The following AGO3 variants were observed in gnomAD, a reference collection of about 807,000 sequenced individuals.
The protein encoded by AGO3 is protein argonaute-3.
AGO3 carries 16 observed loss-of-function variants against 105.5 expected under a neutral mutation model. The observed-to-expected ratio is 0.15, with a 90% CI of 0.10 to 0.23. The LOEUF is 0.23. Among genes scored for constraint, AGO3 ranks in the 10% least tolerant of loss-of-function variants. The pLI is 1.00. For synonymous variants in AGO3, 340 were observed against 367.3 expected, an observed-to-expected ratio of 0.93 and a Z score of 0.85; for missense variants, 534 against 1,088.0, an observed-to-expected ratio of 0.49 and a Z score of 7.16.
intron 5 of AGO3, among the ~76,000 whole-genome samples, chr1:35,981,423 T>C (rs681300): frequency 2.0e-5 from 3 of 152,140 alleles, no homozygotes; most frequent in African/African-American, 7.2e-5. Flanking sequence ...TTCTTCAAAA[T>C]GCAGCCACAT....
chr1:36,027,342 TC>T lies in AGO3; in HGVS notation c.1591+46del, dbSNP rs757634154. 1 of 1,511,958 alleles carries T rather than the reference TC, an allele frequency of 6.6e-7. No individual in the cohort carries two copies. The highest frequency in any genetic ancestry group is 9.0e-7 in the Non-Finnish European group (1 of 1,116,918). The allele number at this position is 1,511,958 out of a possible 1,614,324, so 93.7% of individuals were successfully genotyped here. A position where few individuals can be genotyped will look rare whatever the true frequency, so the allele number is the denominator to read the frequency against. ...TGCATTTTTCCTCAAGTACTTGATG[TC>T]CTTTTAGGATTATACTGAAACATAT... On this transcript the variant is annotated intron_variant, in intron 12 of 18. Transcript: ENST00000373191. The surrounding 1 kb of genome is among the most constrained non-coding windows in gnomAD (Gnocchi z 4.0).
chr1:36,014,485 T>C (rs1640786124), intron 11 of AGO3, among the ~76,000 whole-genome samples: 3 of 151,416 alleles, frequency 2.0e-5, no homozygotes, highest in Admixed American at 2.0e-4. Flanking sequence ...AAAATGTTTC[T>C]TCTTGACCAG....
At chr1:35,998,922 GT>G (rs1294735841) in intron 5 of AGO3, among the ~76,000 whole-genome samples, 3 of 152,096 alleles carry the variant, frequency 2.0e-5, no homozygotes, top group Non-Finnish European at 4.4e-5. Flanking sequence ...TTCATATTTA[GT>G]TCTCTGAATA....
chr1:35,959,736 G>C (rs1646639887), intron 2 of AGO3, among the ~76,000 whole-genome samples: 2 of 151,956 alleles, frequency 1.3e-5, no homozygotes, highest in Non-Finnish European at 2.9e-5. Context: ...TCAGTTATCA[G>C]TTTATGTTAA....
At chr1:35,939,472 G>A (rs1238766432) in intron 1 of AGO3, among the ~76,000 whole-genome samples, 1 of 152,148 alleles carries the variant, frequency 6.6e-6, no homozygotes, top group African/African-American at 2.4e-5. Flanking sequence ...TGTCGGTATA[G>A]GTTTGAGTGC....
At chr1:36,029,519 T>C (rs1388071311) in intron 12 of AGO3, among the ~76,000 whole-genome samples, 1 of 148,106 alleles carries the variant, frequency 6.8e-6, no homozygotes, top group African/African-American at 2.5e-5. Flanking sequence ...CTCAGCCTCC[T>C]GAGTAGCTGG....
At chr1:36,043,951 G>T (rs1233290260) in intron 17 of AGO3, among the ~76,000 whole-genome samples, 2 of 152,066 alleles carry the variant, frequency 1.3e-5, no homozygotes, top group East Asian at 3.8e-4. Flanking sequence ...TCCCACCTCA[G>T]CCTCCCAAGT....
At chr1:36,018,015 T>C (rs566418556) in intron 11 of AGO3, among the ~76,000 whole-genome samples, 15 of 151,974 alleles carry the variant, frequency 9.9e-5, no homozygotes, top group African/African-American at 2.7e-4. Flanking sequence ...TGTTCTCTTT[T>C]TTTTTTTGAG....
At chr1:35,937,127 A>C (rs984393185) in intron 1 of AGO3, among the ~76,000 whole-genome samples, 1 of 152,148 alleles carries the variant, frequency 6.6e-6, no homozygotes, top group Non-Finnish European at 1.5e-5. Flanking sequence ...GCCTTTTAAA[A>C]ATTGTTTCTC....
At chr1:36,049,911 A>AAT (rs1302119942) in intron 17 of AGO3, among the ~76,000 whole-genome samples, 1 of 152,234 alleles carries the variant, frequency 6.6e-6, no homozygotes, top group African/African-American at 2.4e-5. Context: ...CCAGATATAT[A>AAT]ATATAAAGCA....
intron 17 of AGO3, among the ~76,000 whole-genome samples, chr1:36,052,214 A>G (rs143678299): frequency 0.015 from 2,332 of 152,328 alleles, 49 homozygotes; most frequent in African/African-American, 0.053. Context: ...ATACACAATG[A>G]AATACTATTT....
chr1:35,971,417 C>A (rs987603879), intron 3 of AGO3, among the ~76,000 whole-genome samples: 1 of 151,498 alleles, frequency 6.6e-6, no homozygotes, highest in Non-Finnish European at 1.5e-5. Flanking sequence ...CCTCAGCCCC[C>A]CAAAGTGCTG....
intron 2 of AGO3, among the ~76,000 whole-genome samples, chr1:35,964,316 C>T (rs995180397): frequency 1.3e-5 from 2 of 152,108 alleles, no homozygotes; most frequent in African/African-American, 4.8e-5. Flanking sequence ...CTATAGTTCT[C>T]CTCTATGGGT....
Position 36,027,146 on chromosome 1 carries a change from A to G in AGO3, c.1439A>G (p.Lys480Arg). ...ACAGACCAGCTGCGTAAGATTTCTAAGGATGCAGGGATGCCCATCCAGGGC... is the reference window on the plus strand; with the variant it reads ...ACAGACCAGCTGCGTAAGATTTCTAGGGATGCAGGGATGCCCATCCAGGGC... The part of the protein sequence containing the change: ...GFTDQLRKIS[K>R]DAGMPIQGQP... Residue 480 changes from lysine (K) to arginine (R), a missense_variant, in exon 12 of 19, where the codon AAG becomes AGG. By Grantham distance (26) the Lys-to-Arg change is conservative. Transcript: ENST00000373191. The surrounding 1 kb of genome is among the most constrained non-coding windows in gnomAD (Gnocchi z 4.0). 3 of 1,613,766 alleles carry G rather than the reference A, an allele frequency of 1.9e-6. No individual in the cohort carries two copies. Among genetic ancestry groups the G allele is most frequent in the Non-Finnish European group, 1.7e-6 (2 of 1,179,786 alleles).
Position 36,060,932 on chromosome 1 carries a change from A to G in AGO3, c.*5187A>G, listed in dbSNP as rs777843118. 1 of 152,228 alleles carries G rather than the reference A, an allele frequency of 6.6e-6. No homozygotes were observed. Among genetic ancestry groups the G allele is most frequent in the African/African-American group, 2.4e-5 (1 of 41,464 alleles). 9.4% of individuals were successfully genotyped at this position (152,228 alleles called of 1,614,324 possible). ...GTGTAGCAGTATAACCCTAATTTAG[A>G]ACTCTTGTTTTCCTATTTCAGTCCT... is the stretch of plus-strand genomic sequence containing the variant. On this transcript the variant is annotated 3_prime_UTR_variant, in exon 19 of 19. Transcript: ENST00000373191.
At chr1:36,012,684 T>A (rs1292595611) in intron 9 of AGO3, among the ~76,000 whole-genome samples, 2 of 152,148 alleles carry the variant, frequency 1.3e-5, no homozygotes, top group African/African-American at 4.8e-5. Flanking sequence ...TGTATCCAGA[T>A]CTCCCATAGT....
chr1:36,067,245 G>C lies in AGO3; in HGVS notation c.*11500G>C, dbSNP rs1160719322. On this transcript the variant is annotated 3_prime_UTR_variant, in exon 19 of 19. Transcript: ENST00000373191. ...GTAATGAAGAAAGAATTTTGGCATA[G>C]ACAGTCCGACCCAGTTCATGGATAC... 2 of 152,200 alleles carry C rather than the reference G, an allele frequency of 1.3e-5. No individual in the cohort carries two copies. The highest frequency in any genetic ancestry group is 3.8e-4 in the East Asian group (2 of 5,200). The allele number at this position is 152,200 out of a possible 1,614,324, so 9.4% of individuals were successfully genotyped here. A position where few individuals can be genotyped will look rare whatever the true frequency, so the allele number is the denominator to read the frequency against.
Position 36,010,917 on chromosome 1 carries a change from A to AAG in AGO3, c.1149+1336_1149+1337dup, listed in dbSNP as rs1181265369. 2.0e-5 allele frequency among the ~76,000 whole-genome samples: 3 copies of AAG among 150,208 alleles called. 1 individual carries two copies. Among genetic ancestry groups the AAG allele is most frequent in the Non-Finnish European group, 3.0e-5 (2 of 67,514 alleles). ...GCGAAACTCTGTCAAAAAAAAAAAAAAGAGAGAGAGAGAGGGAGGGAGGGA... is the reference window on the plus strand; with the variant it reads ...GCGAAACTCTGTCAAAAAAAAAAAAAAGAGAGAGAGAGAGAGGGAGGGAGGGA... On this transcript the variant is annotated intron_variant, in intron 9 of 18. Coordinates refer to ENST00000373191, the MANE Select transcript of AGO3 (RefSeq NM_024852.4).
At chr1:35,983,707 A>G (rs1303891684) in intron 5 of AGO3, among the ~76,000 whole-genome samples, 1 of 152,230 alleles carries the variant, frequency 6.6e-6, no homozygotes, top group Non-Finnish European at 1.5e-5. Flanking sequence ...CTGGCTCCCA[A>G]GAAGGTCATA....
Sources: allele counts gnomAD v4.1 joint callset (sites outside exome capture counted in the v4.1 genomes callset), GRCh38; gene constraint gnomAD v4.1.1; non-coding constraint Gnocchi (gnomAD v3.1); transcripts MANE v1.5; gene names NCBI Gene and HGNC (gene_info 2026-07-23, HGNC 2026-07-21).